Variants in MYO9A observed in about 807,000 individuals in gnomAD.
The protein encoded by MYO9A is unconventional myosin-IXa.
Under a neutral mutation model 293.3 loss-of-function variants are expected in MYO9A, and 103 were observed. The observed-to-expected ratio is 0.35, with a 90% CI of 0.30 to 0.41. The LOEUF (loss-of-function observed/expected upper bound fraction) is 0.41. Among genes scored for constraint, MYO9A ranks in the 10% least tolerant of loss-of-function variants. MYO9A has a pLI of 1.00. For missense variants in MYO9A, 2,685 were observed against 3,033.0 expected (o/e 0.89, Z 2.69); for synonymous variants, 1,001 against 1,035.7 (o/e 0.97, Z 0.64).
At chr15:72,006,703 G>A (rs1285422976) in intron 8 of MYO9A, among the ~76,000 whole-genome samples, 1 of 152,100 alleles carries the variant, frequency 6.6e-6, no homozygotes, top group Non-Finnish European at 1.5e-5. Flanking sequence ...AAGAGATTGG[G>A]GGATTCCACG....
chr15:71,928,948 G>T (rs2058400680), intron 18 of MYO9A, among the ~76,000 whole-genome samples: 1 of 151,624 alleles, frequency 6.6e-6, no homozygotes, highest in Non-Finnish European at 1.5e-5. Context: ...GCATGCACCT[G>T]CAGTCCTAGC....
chr15:72,066,987 GTAT>G (rs988755922), intron 1 of MYO9A, among the ~76,000 whole-genome samples: 102 of 149,890 alleles, frequency 6.8e-4, no homozygotes, highest in Non-Finnish European at 5.5e-4. Flanking sequence ...TATAATAAAT[GTAT>G]TATTATACTG....
At chr15:71,863,225 C>T (rs140860617) in intron 32 of MYO9A, among the ~76,000 whole-genome samples, 136 of 151,974 alleles carry the variant, frequency 8.9e-4, no homozygotes, top group African/African-American at 3.0e-3. Flanking sequence ...TGAACCACTG[C>T]GCCTGGCTAA....
At chr15:72,068,240 T>C (rs1041067694) in intron 1 of MYO9A, among the ~76,000 whole-genome samples, 1 of 152,150 alleles carries the variant, frequency 6.6e-6, no homozygotes, top group African/African-American at 2.4e-5. Context: ...ATAAAGAATG[T>C]CCTACACCTA....
At chr15:71,886,027 C>G (rs2057007647) in intron 27 of MYO9A, among the ~76,000 whole-genome samples, 1 of 151,912 alleles carries the variant, frequency 6.6e-6, no homozygotes, top group Non-Finnish European at 1.5e-5. Flanking sequence ...ATTTGTTATG[C>G]AAAAGGCCTG....
chr15:71,987,996 AT>A, intron 11 of MYO9A, among the ~76,000 whole-genome samples: 1 of 152,134 alleles, frequency 6.6e-6, no homozygotes, highest in East Asian at 1.9e-4. Context: ...AAGGTTTTTT[AT>A]TTTTATATAT....
rs754348944 is a variant in MYO9A, at chr15:71,903,969, C to T, written c.2837G>A (p.Arg946Gln). The T allele has an allele frequency of 7.1e-5, 115 of 1,613,924 alleles. 1 individual carries two copies. Among genetic ancestry groups the T allele is most frequent in the South Asian group, 5.5e-4 (50 of 91,064 alleles). ...LRYTGMLETV[R>Q]IRQSGYSSKY... ...GGAGCTGTATCCTGATTGGCGAATT[C>T]GAACTGTTTCCAGCATCCCGGTGTA... Residue 946 changes from arginine to glutamine, a missense_variant, in exon 21 of 42, where the codon CGA becomes CAA. Around this residue, in one of 10 missense-constraint regions of MYO9A, gnomAD observed 1,434 missense variants for 1,497.7 expected, o/e 0.96. Transcript: ENST00000356056.
At chr15:71,992,234 C>T (rs1051126703) in intron 10 of MYO9A, among the ~76,000 whole-genome samples, 1 of 152,154 alleles carries the variant, frequency 6.6e-6, no homozygotes, top group Admixed American at 6.6e-5. Flanking sequence ...GAATACAGAA[C>T]ATAAATGCTT....
At chr15:71,867,612 A>T (rs2056373697) in intron 32 of MYO9A, among the ~76,000 whole-genome samples, 1 of 151,930 alleles carries the variant, frequency 6.6e-6, no homozygotes, top group Non-Finnish European at 1.5e-5. Flanking sequence ...AAAAAAAAGC[A>T]AATGGTACTT....
intron 21 of MYO9A, 82 bp from the exon 22 acceptor site, chr15:71,903,145 T>C (rs2143705561): frequency 8.5e-7 from 1 of 1,182,042 alleles, no homozygotes; most frequent in Non-Finnish European, 1.2e-6. Context: ...ATTCTATTAA[T>C]CTTTTCTCTT....
chr15:71,874,665 T>C (rs2056626033), intron 32 of MYO9A, among the ~76,000 whole-genome samples: 1 of 152,186 alleles, frequency 6.6e-6, no homozygotes, highest in Admixed American at 6.5e-5. Context: ...ATGAGACTCA[T>C]AGTTCATCGG....
intron 11 of MYO9A, among the ~76,000 whole-genome samples, chr15:71,979,025 G>C (rs779724737): frequency 9.9e-5 from 15 of 152,074 alleles, no homozygotes; most frequent in South Asian, 4.1e-4. Context: ...TAGGCATCAG[G>C]TAAAATATCC....
chr15:71,990,855 C>A (rs2076526399), intron 11 of MYO9A, among the ~76,000 whole-genome samples: 1 of 152,038 alleles, frequency 6.6e-6, no homozygotes, highest in Non-Finnish European at 1.5e-5. Flanking sequence ...ATTGAAGCTA[C>A]CAGACTACTC....
rs919116910 is a variant in MYO9A at position 71,893,767 on chromosome 15, T to G, written c.5054A>C (p.Glu1685Ala). The change falls in exon 26 of 42, where the codon GAA becomes GCA. Residue 1685 changes from glutamate (E) to alanine (A), a missense_variant. Transcript: ENST00000356056. ...DNMSIPLVSK[E>A]ALNSKNPQLH... is the part of the protein sequence containing the mutation. ...TTGAGGATTTTTACTGTTTAAGGCT[T>G]CTTTGCTGACACTTTAAATAAAACA... is the stretch of plus-strand genomic sequence containing the variant. The G allele has an allele frequency of 2.5e-6, 4 of 1,613,036 alleles. No homozygotes were observed. In the African/African-American group the frequency reaches 5.3e-5, roughly 22 times the overall value.
At chr15:71,982,173 C>T (rs991511912) in intron 11 of MYO9A, among the ~76,000 whole-genome samples, 1 of 151,752 alleles carries the variant, frequency 6.6e-6, no homozygotes, top group Non-Finnish European at 1.5e-5. Context: ...GGGCCTGCCA[C>T]CATGCCTGGC....
rs1426871986 is a variant in MYO9A, at chr15:71,824,013, T to C, written c.*2567A>G. 1 of 152,230 alleles carries C rather than the reference T, an allele frequency of 6.6e-6. No homozygotes were observed. The highest frequency in any genetic ancestry group is 2.4e-5 in the African/African-American group (1 of 41,458). 9.4% of individuals were successfully genotyped at this position (152,230 alleles called of 1,614,324 possible). On this transcript the variant is annotated 3_prime_UTR_variant, in exon 42 of 42. Coordinates refer to ENST00000356056, the MANE Select transcript of MYO9A (RefSeq NM_006901.4). ...TGGTTCTGAAGGTTTTTAAGAGTTA[T>C]GGCTTCATCTCTTGATCAGGCCAAC... is the stretch of plus-strand genomic sequence containing the variant.
intron 1 of MYO9A, among the ~76,000 whole-genome samples, chr15:72,086,116 A>G (rs952225726): frequency 6.6e-6 from 1 of 152,156 alleles, no homozygotes; most frequent in Non-Finnish European, 1.5e-5. Context: ...CCTCATTCCC[A>G]TGTGCCAGTG....
chr15:71,966,281 T>TGTGC (rs1276355366), intron 13 of MYO9A, among the ~76,000 whole-genome samples: 1 of 150,412 alleles, frequency 6.6e-6, no homozygotes, highest in Non-Finnish European at 1.5e-5. Flanking sequence ...TGTGTGTGTG[T>TGTGC]GTGTGTGTGT....
chr15:72,106,608 AT>A (rs887851400), intron 1 of MYO9A, among the ~76,000 whole-genome samples: 19 of 149,020 alleles, frequency 1.3e-4, no homozygotes, highest in African/African-American at 2.0e-4. Flanking sequence ...GTTTTTTTTT[AT>A]TTTTTTTTTG....
Sources: gnomAD v4.1 joint callset for allele counts (sites outside exome capture counted in the v4.1 genomes callset) on GRCh38, gnomAD v4.1.1 for gene constraint, gnomAD v4.1.1 regional missense constraint, MANE v1.5 for transcripts, NCBI Gene and HGNC (gene_info 2026-07-23, HGNC 2026-07-21) for gene names.